The following AHNAK variants were observed in gnomAD, a reference collection of about 807,000 sequenced individuals.
The protein encoded by AHNAK is AHNAK nucleoprotein.
A neutral mutation model predicts 37.8 loss-of-function variants in AHNAK; 23 were observed. The ratio of observed to expected loss-of-function variants is 0.61; its 90% CI spans 0.44 to 0.86. AHNAK has a LOEUF of 0.86. Among genes scored for constraint, AHNAK ranks in the 40% least tolerant of loss-of-function variants. AHNAK has a pLI of 0.00. For missense variants in AHNAK, 7,411 were observed against 7,319.4 expected (o/e 1.01, Z -0.46); for synonymous variants, 2,481 against 2,636.3 (o/e 0.94, Z 1.80).
At chr11:62,541,656 G>A (rs1319218836) in intron 1 of AHNAK, among the ~76,000 whole-genome samples, 1 of 152,238 alleles carries the variant, frequency 6.6e-6, no homozygotes, top group African/African-American at 2.4e-5. Flanking sequence ...GCCAGGGACT[G>A]TGTTGGCAAC....
chr11:62,516,215 A>G lies in AHNAK; in HGVS notation c.*529T>C. On this transcript the variant is annotated 3_prime_UTR_variant, in exon 5 of 5. Coordinates refer to ENST00000378024, the MANE Select transcript of AHNAK (RefSeq NM_001620.3). ...AAGAAACAACACTAAAGAACCCTAAAAACACCCACACACCCTGACTACCAC... is the reference window on the plus strand; with the variant it reads ...AAGAAACAACACTAAAGAACCCTAAGAACACCCACACACCCTGACTACCAC... 1 of 1,289,090 alleles carries G rather than the reference A, an allele frequency of 7.8e-7. No individual in the cohort carries two copies. 79.9% of individuals were successfully genotyped at this position (1,289,090 alleles called of 1,614,324 possible).
intron 5 of AHNAK, among the ~76,000 whole-genome samples, chr11:62,476,512 C>G (rs1448695719): frequency 6.6e-6 from 1 of 152,130 alleles, no homozygotes; most frequent in Non-Finnish European, 1.5e-5. Context: ...TAAACCTACA[C>G]GAGAAGTTCC....
In AHNAK at chr11:62,519,977, G is replaced by T; in HGVS notation, c.14440C>A (p.Pro4814Thr). The T allele has an allele frequency of 6.2e-7, 1 of 1,613,394 alleles. No homozygotes were observed. The highest frequency in any genetic ancestry group is 8.5e-7 in the Non-Finnish European group (1 of 1,179,890). ...LPKADIDVSG[P>T]KVDVDIPDVN... is the part of the protein sequence containing the mutation. The stretch of plus-strand genomic sequence containing the variant: ...TCTGGAATATCAACGTCCACCTTGG[G>T]TCCCGAGACATCGATGTCGGCCTTG... The change falls in exon 5 of 5, where the codon CCC becomes ACC. Residue 4814 changes from proline (P) to threonine (T), a missense_variant. Physicochemically the swap from Pro to Thr is conservative, Grantham distance 38. Transcript: ENST00000378024.
intron 5 of AHNAK, among the ~76,000 whole-genome samples, chr11:62,442,646 G>A (rs1018127198): frequency 6.6e-6 from 1 of 152,034 alleles, no homozygotes; most frequent in Non-Finnish European, 1.5e-5. Context: ...CAAGGCAGGC[G>A]GATCACCTGA....
intron 5 of AHNAK, among the ~76,000 whole-genome samples, chr11:62,467,553 C>T (rs557306575): frequency 6.6e-5 from 10 of 152,238 alleles, no homozygotes; most frequent in African/African-American, 2.2e-4. Context: ...GGCATGGTAG[C>T]GCGCGCCTGT....
rs562582236 is a variant in AHNAK, at chr11:62,527,527, C to T, written c.6890G>A (p.Gly2297Asp). 6.2e-7 allele frequency: 1 copy of T among 1,612,676 alleles called. No individual in the cohort carries two copies. Among genetic ancestry groups the T allele is most frequent in the Non-Finnish European group, 8.5e-7 (1 of 1,179,676 alleles). ...CATCTCAGGCATCTTAAACTTGGGG[C>T]CCTTCAGCTTCCCTTCTGGACCTTC... ...SLEGPEGKLK[G>D]PKFKMPEMHF... Residue 2297 changes from glycine to aspartate, a missense_variant, in exon 5 of 5, where the codon GGC (glycine) becomes GAC (aspartate). Gly to Asp is a moderately conservative substitution (Grantham distance 94). Coordinates refer to ENST00000378024, the MANE Select transcript of AHNAK (RefSeq NM_001620.3).
At chr11:62,539,664 G>A (rs867648326) in intron 1 of AHNAK, among the ~76,000 whole-genome samples, 5 of 152,226 alleles carry the variant, frequency 3.3e-5, no homozygotes, top group African/African-American at 4.8e-5. Flanking sequence ...TGCAACCTAC[G>A]TGGTTCCTGA....
At position 62,525,056 on chromosome 11, in the gene AHNAK, T is replaced by G. The variant is rs751837764; in HGVS notation, c.9361A>C (p.Lys3121Gln). ...VSLPKVEGDMKVPDVDIKGPK... is the reference protein window; with the variant it reads ...VSLPKVEGDMQVPDVDIKGPK... ...CCTTTAATATCCACGTCAGGAACTTTCATGTCACCTTCCACTTTTGGCAGA... is the reference window on the plus strand; with the variant it reads ...CCTTTAATATCCACGTCAGGAACTTGCATGTCACCTTCCACTTTTGGCAGA... Residue 3121 changes from lysine to glutamine, a missense_variant, in exon 5 of 5, where the codon AAA becomes CAA. By Grantham distance (53) the Lys-to-Gln change is moderately conservative (BLOSUM62 1). Transcript: ENST00000378024. 5.2e-5 allele frequency: 84 copies of G among 1,613,814 alleles called. No homozygotes were observed. Among genetic ancestry groups the G allele is most frequent in the East Asian group, 4.2e-4 (19 of 44,880 alleles).
At chr11:62,511,931 C>T (rs1407184378), downstream of AHNAK, among the ~76,000 whole-genome samples, 1 of 152,134 alleles carries the variant, frequency 6.6e-6, no homozygotes, top group African/African-American at 2.4e-5. Flanking sequence ...TCACTGCAAC[C>T]TCCACCTCCC....
intron 5 of AHNAK, among the ~76,000 whole-genome samples, chr11:62,463,474 T>G (rs555329620): frequency 9.2e-5 from 14 of 152,102 alleles, no homozygotes; most frequent in Non-Finnish European, 1.8e-4. Flanking sequence ...GCCTCCAGCC[T>G]CCAGCCTCCA....
Position 62,496,656 on chromosome 11 carries a change from G to A in AHNAK, c.343-4825C>T, listed in dbSNP as rs190068465. 4.2e-3 allele frequency among the ~76,000 whole-genome samples: 643 copies of A among 152,158 alleles called. 2 individuals carry two copies. Among genetic ancestry groups the A allele is most frequent in the African/African-American group, 0.015 (608 of 41,510 alleles). On this transcript the variant is annotated intron_variant, in intron 4 of 5. Coordinates refer to the AHNAK transcript ENST00000257247. ...CTAAAAGTACAAAAGTTAGCCGGGC[G>A]TGGTGGCGCGTGCCTGTAGTCCCAG...
chr11:62,543,110 GC>G (rs2134270553), intron 1 of AHNAK, among the ~76,000 whole-genome samples: 1 of 152,228 alleles, frequency 6.6e-6, no homozygotes, highest in East Asian at 1.9e-4. Flanking sequence ...CGGGCAGGAT[GC>G]CCCTCCCTGA....
At chr11:62,446,124 T>C (rs1358713825) in intron 5 of AHNAK, among the ~76,000 whole-genome samples, 2 of 152,224 alleles carry the variant, frequency 1.3e-5, no homozygotes, top group African/African-American at 4.8e-5. Context: ...TTCATTAATT[T>C]CCTACAAGGA....
chr11:62,515,166 T>A (rs192280548), downstream of AHNAK, among the ~76,000 whole-genome samples: 1 of 152,232 alleles, frequency 6.6e-6, no homozygotes, highest in African/African-American at 2.4e-5. Flanking sequence ...TCAGAAGACT[T>A]TTCCATAATG....
chr11:62,541,559 G>A (rs1050460425), intron 1 of AHNAK, among the ~76,000 whole-genome samples: 1 of 152,024 alleles, frequency 6.6e-6, no homozygotes, highest in African/African-American at 2.4e-5. Flanking sequence ...CTCAACAGGA[G>A]GCAAAGAGGA....
At chr11:62,481,136 G>A (rs956559700) in intron 5 of AHNAK, among the ~76,000 whole-genome samples, 25 of 148,398 alleles carry the variant, frequency 1.7e-4, no homozygotes, top group African/African-American at 6.4e-4. Flanking sequence ...ACAGAGTTTC[G>A]CACTTGTTGC....
chr11:62,534,230 G>A (rs1940872335), intron 4 of AHNAK, among the ~76,000 whole-genome samples, 156 bp from the exon 5 acceptor site: 1 of 152,216 alleles, frequency 6.6e-6, no homozygotes, highest in Non-Finnish European at 1.5e-5. Flanking sequence ...GCACAGGGGA[G>A]TGAAGAAAGG....
chr11:62,496,632 T>C (rs1455527211), intron 4 of AHNAK, among the ~76,000 whole-genome samples: 1 of 152,012 alleles, frequency 6.6e-6, no homozygotes, highest in African/African-American at 2.4e-5. Flanking sequence ...CTGTCTCTAC[T>C]AAAAGTACAA....
At position 62,523,254 on chromosome 11, in the gene AHNAK, G is replaced by T. The variant is rs756209234; in HGVS notation, c.11163C>A (p.Ile3721=). The T allele has an allele frequency of 6.2e-7, 1 of 1,612,678 alleles. No homozygotes were observed. The highest frequency in any genetic ancestry group is 8.5e-7 in the Non-Finnish European group (1 of 1,179,618). Residue 3721 remains isoleucine, a synonymous_variant, in exon 5 of 5, where the codon ATC becomes ATA. Transcript: ENST00000378024. ...CCTTGAATTTACCCTCTGAGCCTTC[G>T]ATGTTAATGTCAGGAGTGTCAATGT... The part of the protein sequence containing the change: ...KVDIDTPDIN[I]EGSEGKFKGP...
Sources: allele counts gnomAD v4.1 joint callset (sites outside exome capture counted in the v4.1 genomes callset), GRCh38; gene constraint gnomAD v4.1.1; transcripts MANE v1.5; gene names NCBI Gene and HGNC (gene_info 2026-07-23, HGNC 2026-07-21).